CALN1: variants seen among roughly 807,000 people sequenced by gnomAD.
CALN1 encodes calneuron 1, also known as calcium-binding protein 8.
Under a neutral mutation model 30.6 loss-of-function variants are expected in CALN1, and 17 were observed. That is an observed-to-expected ratio of 0.56 (90% CI 0.38 to 0.83). The LOEUF (loss-of-function observed/expected upper bound fraction) is 0.83, where lower values mean the gene tolerates loss of function less well. CALN1 is among the 40% of genes least tolerant of loss of function. The pLI is 0.00. For missense variants in CALN1, 291 were observed against 354.9 expected (o/e 0.82, Z 1.45); for synonymous variants, 156 against 131.4 (o/e 1.19, Z -1.28).
chr7:71,902,355 T>C (rs964982546), intron 5 of CALN1, among the ~76,000 whole-genome samples: 3 of 151,534 alleles, frequency 2.0e-5, no homozygotes, highest in African/African-American at 7.3e-5. Flanking sequence ...AAATTATAAC[T>C]ACAATGAGAT....
At chr7:72,430,527 G>C (rs1562965891) in intron 1 of CALN1, among the ~76,000 whole-genome samples, 1 of 152,090 alleles carries the variant, frequency 6.6e-6, no homozygotes, top group Admixed American at 6.6e-5. Context: ...CAACACTTGG[G>C]ATGTTGTTAC....
Position 72,004,213 on chromosome 7 carries a change from C to T in CALN1, c.501+19444G>A, listed in dbSNP as rs982987217. 2.6e-5 allele frequency among the ~76,000 whole-genome samples: 4 copies of T among 152,118 alleles called. No homozygotes were observed. In the East Asian group the frequency reaches 7.7e-4, roughly 29 times the overall value. On this transcript the variant is annotated intron_variant, in intron 5 of 6. Transcript: ENST00000395275. Reference sequence around the variant, plus strand: ...TGGATCAATGAAACAGAACAGAGAACCCAGAAATACACCCACATAAATATG... The same window carrying T: ...TGGATCAATGAAACAGAACAGAGAATCCAGAAATACACCCACATAAATATG...
chr7:72,264,236 T>C (rs1176362122), intron 3 of CALN1, among the ~76,000 whole-genome samples: 3 of 152,148 alleles, frequency 2.0e-5, no homozygotes, highest in African/African-American at 4.8e-5. Context: ...AAACAATCAA[T>C]CTGCTTTTTT....
At chr7:72,209,661 AAAG>A (rs1792248839) in intron 3 of CALN1, among the ~76,000 whole-genome samples, 2 of 151,638 alleles carry the variant, frequency 1.3e-5, no homozygotes, top group African/African-American at 4.9e-5. Context: ...CCTCAGAAAA[AAAG>A]AAAACAAAAA....
chr7:71,955,364 T>C (rs767136894), intron 5 of CALN1, among the ~76,000 whole-genome samples: 15 of 152,096 alleles, frequency 9.9e-5, no homozygotes, highest in Admixed American at 1.3e-4. Context: ...AGCCAAACTG[T>C]ATCAGTATTC....
chr7:71,831,974 TA>T (rs1384619734), intron 5 of CALN1, among the ~76,000 whole-genome samples: 1 of 145,990 alleles, frequency 6.8e-6, no homozygotes, highest in Non-Finnish European at 1.5e-5. Flanking sequence ...AATACAAATA[TA>T]AGACATACTG....
chr7:72,263,015 G>A (rs1261282479), intron 3 of CALN1, among the ~76,000 whole-genome samples: 1 of 152,216 alleles, frequency 6.6e-6, no homozygotes, highest in African/African-American at 2.4e-5. Context: ...AAGTGGGCCT[G>A]TCCTGGCAGA....
intron 3 of CALN1, among the ~76,000 whole-genome samples, chr7:72,192,227 A>G (rs1790661194): frequency 6.6e-6 from 1 of 152,216 alleles, no homozygotes; most frequent in Non-Finnish European, 1.5e-5. Context: ...AACCTGTACA[A>G]CGTGTTACTG....
chr7:72,339,872 A>G (rs1253712874), intron 2 of CALN1, among the ~76,000 whole-genome samples: 2 of 152,218 alleles, frequency 1.3e-5, no homozygotes, highest in Non-Finnish European at 2.9e-5. Flanking sequence ...TCCTCCCAAC[A>G]GATCCCTCCC....
intron 2 of CALN1, among the ~76,000 whole-genome samples, chr7:72,331,097 C>T (rs973893800): frequency 6.6e-5 from 10 of 152,164 alleles, no homozygotes; most frequent in Non-Finnish European, 1.0e-4. Flanking sequence ...TACCTGTAAT[C>T]CCAGCACTTT....
chr7:72,156,334 G>C (rs1176004065), intron 3 of CALN1, among the ~76,000 whole-genome samples: 2 of 152,208 alleles, frequency 1.3e-5, no homozygotes, highest in Non-Finnish European at 2.9e-5. Context: ...CAGCTGCTCA[G>C]AAAGGACCCC....
intron 5 of CALN1, among the ~76,000 whole-genome samples, chr7:71,883,235 C>T (rs888354129): frequency 6.6e-6 from 1 of 151,950 alleles, no homozygotes; most frequent in Admixed American, 6.6e-5. Context: ...GTTTGTGGCA[C>T]AAAATAAGTA....
intron 5 of CALN1, among the ~76,000 whole-genome samples, chr7:71,918,094 G>C (rs1794768459): frequency 6.6e-6 from 1 of 152,134 alleles, no homozygotes; most frequent in Admixed American, 6.6e-5. Flanking sequence ...CTAGAAGATA[G>C]GAATTGCATA....
rs35736777 is a variant in CALN1, at chr7:72,217,832, A to ATTT, written c.244+60851_244+60853dup. Among the ~76,000 whole-genome samples the ATTT allele has an allele frequency of 2.3e-3, 157 of 67,326 alleles. 7 individuals carry two copies. The highest frequency in any genetic ancestry group is 9.0e-3 in the African/African-American group (139 of 15,416). The allele number at this position is 67,326 out of a possible 152,430, so 44.2% of individuals were successfully genotyped here. A position where few individuals can be genotyped will look rare whatever the true frequency, so the allele number is the denominator to read the frequency against. On this transcript the variant is annotated intron_variant, in intron 3 of 6. Transcript: ENST00000395275. ...CCAACTCTACAAAAAAATTAAATAA[A>ATTT]TTTTTTTTTTTTTTTTTTTTTTTTT...
chr7:71,801,473 G>A (rs541476310), intron 6 of CALN1, among the ~76,000 whole-genome samples: 6 of 80,370 alleles, frequency 7.5e-5, no homozygotes, highest in East Asian at 2.9e-4. Context: ...TCTATCTATC[G>A]AGACAGGGTT....
chr7:71,978,262 CTTTTTTTT>C (rs1010635078), intron 5 of CALN1, among the ~76,000 whole-genome samples: 93 of 72,930 alleles, frequency 1.3e-3, no homozygotes, highest in African/African-American at 1.7e-3. Context: ...CTAGAGAATT[CTTTTTTTT>C]TTTTTTTTTT....
chr7:72,494,572 G>A, the CALN1 span, among the ~76,000 whole-genome samples: 1 of 152,118 alleles, frequency 6.6e-6, no homozygotes, highest in Admixed American at 6.5e-5. Flanking sequence ...ACATGTCTCG[G>A]GTACCACATC....
intron 3 of CALN1, among the ~76,000 whole-genome samples, chr7:72,194,861 A>T (rs545457153): frequency 4.2e-4 from 64 of 152,072 alleles, no homozygotes; most frequent in African/African-American, 1.4e-3. Context: ...AAGTACTGGG[A>T]TTACAGGTGT....
At chr7:72,106,606 T>A (rs1309042914) in intron 3 of CALN1, among the ~76,000 whole-genome samples, 2 of 112,634 alleles carry the variant, frequency 1.8e-5, no homozygotes, top group Admixed American at 1.1e-4. Context: ...AAGAGAGGAA[T>A]GAAGGGAGGA....
Sources: gnomAD v4.1 joint callset for allele counts (sites outside exome capture counted in the v4.1 genomes callset) on GRCh38, gnomAD v4.1.1 for gene constraint, MANE v1.5 for transcripts, NCBI Gene and HGNC (gene_info 2026-07-23, HGNC 2026-07-21) for gene names.